Variants in SGMS1 observed in about 807,000 individuals in gnomAD.
SGMS1 encodes the protein sphingomyelin synthase 1.
In SGMS1, 13 loss-of-function variants were observed where a neutral mutation model predicts 46.2. That is an observed-to-expected ratio of 0.28 (90% CI 0.18 to 0.45). The LOEUF (loss-of-function observed/expected upper bound fraction) is 0.45. Among genes scored for constraint, SGMS1 ranks in the 20% least tolerant of loss-of-function variants. The probability of loss-of-function intolerance (pLI) is 1.00; values close to 1 mark genes in which losing one functional copy is unlikely to be tolerated. For synonymous variants in SGMS1, 203 were observed against 187.8 expected (o/e 1.08, Z -0.66); for missense variants, 324 against 519.9 (o/e 0.62, Z 3.66).
intron 6 of SGMS1, among the ~76,000 whole-genome samples, chr10:50,354,531 G>A (rs1848100135): frequency 1.3e-5 from 2 of 152,134 alleles, no homozygotes; most frequent in Admixed American, 1.3e-4. Context: ...ACAGGCATGG[G>A]CAAGAACTTC....
At chr10:50,467,168 A>C (rs965611889) in intron 3 of SGMS1, among the ~76,000 whole-genome samples, 1 of 152,112 alleles carries the variant, frequency 6.6e-6, no homozygotes, top group East Asian at 1.9e-4. Flanking sequence ...CAATAAAAAA[A>C]CTGCACACCA....
intron 3 of SGMS1, among the ~76,000 whole-genome samples, chr10:50,500,054 G>A (rs1837648824): frequency 6.6e-6 from 1 of 152,298 alleles, no homozygotes; most frequent in African/African-American, 2.4e-5. Context: ...TGTAATTCCA[G>A]CTAGTCAGGA....
intron 2 of SGMS1, among the ~76,000 whole-genome samples, chr10:50,586,903 T>C (rs975167282): frequency 2.0e-5 from 3 of 152,218 alleles, no homozygotes; most frequent in African/African-American, 7.2e-5. Flanking sequence ...TACCCACATC[T>C]AGTAAAATAA....
chr10:50,496,818 G>A (rs995201391), intron 3 of SGMS1, among the ~76,000 whole-genome samples: 21 of 152,150 alleles, frequency 1.4e-4, no homozygotes, highest in Admixed American at 1.0e-3. Context: ...GTCCTCATCC[G>A]CAAAATGGTG....
rs1200676859 is a variant in SGMS1 at position 50,307,121 on chromosome 10, T to C, written c.*21A>G. On this transcript the variant is annotated 3_prime_UTR_variant, in exon 11 of 11. Coordinates refer to ENST00000361781, the MANE Select transcript of SGMS1 (RefSeq NM_147156.4). This position sits in a 1 kb window ranked among gnomAD's most constrained non-coding sequence, Gnocchi z 4.2. ...TCTTAGCACTTCGGACAATTTGTCTTTTCCCCACTTTGTACAGCTGTTATG... is the reference window on the plus strand; with the variant it reads ...TCTTAGCACTTCGGACAATTTGTCTCTTCCCCACTTTGTACAGCTGTTATG... 1 of 1,607,178 alleles carries C rather than the reference T, an allele frequency of 6.2e-7. No individual in the cohort carries two copies. Among genetic ancestry groups the C allele is most frequent in the South Asian group, 1.1e-5 (1 of 90,182 alleles).
chr10:50,368,559 C>T (rs955191067), intron 6 of SGMS1, among the ~76,000 whole-genome samples: 4 of 152,104 alleles, frequency 2.6e-5, no homozygotes, highest in Non-Finnish European at 5.9e-5. Flanking sequence ...TTTCACCATG[C>T]TGGCCAGGCT....
chr10:50,488,024 T>TTGATTGATTG (rs1564926590), intron 3 of SGMS1, among the ~76,000 whole-genome samples: 19 of 138,570 alleles, frequency 1.4e-4, no homozygotes, highest in African/African-American at 4.8e-4. Flanking sequence ...TTTATTTATT[T>TTGATTGATTG]ATTTATTGAG....
chr10:50,454,255 C>T (rs967272082), intron 5 of SGMS1, among the ~76,000 whole-genome samples: 9 of 152,074 alleles, frequency 5.9e-5, no homozygotes, highest in Admixed American at 5.9e-4. Flanking sequence ...TGGCCTTTAT[C>T]ACTCTCAAGT....
intron 2 of SGMS1, among the ~76,000 whole-genome samples, chr10:50,539,609 G>A (rs1261024356): frequency 6.6e-6 from 1 of 152,142 alleles, no homozygotes; most frequent in African/African-American, 2.4e-5. Flanking sequence ...CTCAAATTCT[G>A]ATTCAGTAAG....
chr10:50,402,202 T>C (rs1848950752), intron 6 of SGMS1, among the ~76,000 whole-genome samples: 1 of 152,218 alleles, frequency 6.6e-6, no homozygotes, highest in South Asian at 2.1e-4. Flanking sequence ...TCATGATCAC[T>C]CAAAACAACA....
At chr10:50,493,826 C>G (rs1837587297) in intron 3 of SGMS1, among the ~76,000 whole-genome samples, 1 of 152,184 alleles carries the variant, frequency 6.6e-6, no homozygotes, top group Non-Finnish European at 1.5e-5. Context: ...GAGACAGAGT[C>G]TTGCCCTATT....
chr10:50,441,210 A>G (rs1056196088), intron 5 of SGMS1, among the ~76,000 whole-genome samples: 1 of 152,216 alleles, frequency 6.6e-6, no homozygotes, highest in African/African-American at 2.4e-5. Flanking sequence ...AGGAGAAGTT[A>G]ATTATGTGAA....
chr10:50,347,440 A>C (rs1167773458), intron 6 of SGMS1, among the ~76,000 whole-genome samples: 1 of 152,220 alleles, frequency 6.6e-6, no homozygotes. Flanking sequence ...CACCGTAAAG[A>C]ATTTCAATTG....
intron 6 of SGMS1, among the ~76,000 whole-genome samples, chr10:50,344,643 G>GCGGC (rs1847885058): frequency 6.6e-6 from 1 of 152,098 alleles, no homozygotes. Context: ...AACGAGGCGG[G>GCGGC]CGGATCACGA....
chr10:50,591,046 A>G (rs1026025154), intron 1 of SGMS1, among the ~76,000 whole-genome samples: 2 of 152,114 alleles, frequency 1.3e-5, no homozygotes, highest in African/African-American at 4.8e-5. Context: ...TTCAGATCCA[A>G]TCTACAGTAT....
intron 6 of SGMS1, among the ~76,000 whole-genome samples, chr10:50,381,833 A>AGG (rs1259445583): frequency 1.3e-5 from 2 of 152,118 alleles, no homozygotes; most frequent in African/African-American, 4.8e-5. Flanking sequence ...GTTACCACTC[A>AGG]GGGGGTTTAA....
chr10:50,563,958 C>G (rs551249498), intron 2 of SGMS1, among the ~76,000 whole-genome samples: 31 of 152,310 alleles, frequency 2.0e-4, no homozygotes, highest in African/African-American at 7.2e-4. Context: ...CCAGTCCTTA[C>G]ACCAGATCCT....
chr10:50,488,431 G>A (rs889492473), intron 3 of SGMS1, among the ~76,000 whole-genome samples: 2 of 152,086 alleles, frequency 1.3e-5, no homozygotes, highest in Admixed American at 6.5e-5. Context: ...GGGTACAGAC[G>A]ATATGCATAT....
intron 6 of SGMS1, among the ~76,000 whole-genome samples, chr10:50,366,852 G>A (rs1030906651): frequency 5.9e-5 from 9 of 152,242 alleles, no homozygotes; most frequent in African/African-American, 2.2e-4. Context: ...TCTAATGTAG[G>A]TGATGGGTTG....
Sources: gnomAD v4.1 joint callset for allele counts (sites outside exome capture counted in the v4.1 genomes callset) on GRCh38, gnomAD v4.1.1 for gene constraint, Gnocchi (gnomAD v3.1) non-coding constraint, MANE v1.5 for transcripts, NCBI Gene and HGNC (gene_info 2026-07-23, HGNC 2026-07-21) for gene names.